The following DGKB variants were observed in gnomAD, a reference collection of about 807,000 sequenced individuals.
DGKB encodes diacylglycerol kinase beta.
In DGKB, 67 loss-of-function variants were observed where a neutral mutation model predicts 114.3. The ratio of observed to expected loss-of-function variants is 0.59; its 90% CI spans 0.48 to 0.72. The LOEUF is 0.72. Among genes scored for constraint, DGKB ranks in the 30% least tolerant of loss-of-function variants. The pLI is 0.00. For missense variants in DGKB, 907 were observed against 975.2 expected, an observed-to-expected ratio of 0.93 and a Z score of 0.93; for synonymous variants, 398 against 323.1, an observed-to-expected ratio of 1.23 and a Z score of -2.49.
chr7:14,233,697 A>G (rs2128346315), intron 23 of DGKB, among the ~76,000 whole-genome samples: 1 of 152,196 alleles, frequency 6.6e-6, no homozygotes, highest in South Asian at 2.1e-4. Flanking sequence ...AAGGGCGGAC[A>G]GGTAGTCCAA....
At chr7:14,851,469 A>C (rs1849340528) in intron 1 of DGKB, among the ~76,000 whole-genome samples, 1 of 152,124 alleles carries the variant, frequency 6.6e-6, no homozygotes, top group Non-Finnish European at 1.5e-5. Flanking sequence ...GATTCTATCC[A>C]TAGGGATAGA....
At chr7:14,346,819 A>G (rs1432197415) in intron 21 of DGKB, among the ~76,000 whole-genome samples, 1 of 152,042 alleles carries the variant, frequency 6.6e-6, no homozygotes, top group Non-Finnish European at 1.5e-5. Context: ...ATTCTGATGA[A>G]AAACATATCA....
chr7:14,573,467 C>CTGTGTGTGTGTGTG (rs4027158), intron 20 of DGKB, among the ~76,000 whole-genome samples: 1 of 145,472 alleles, frequency 6.9e-6, no homozygotes. Context: ...TAATCTATCT[C>CTGTGTGTGTGTGTG]TGTGTGTGTG....
At chr7:14,310,265 T>G (rs988200590) in intron 23 of DGKB, among the ~76,000 whole-genome samples, 1 of 152,184 alleles carries the variant, frequency 6.6e-6, no homozygotes, top group Non-Finnish European at 1.5e-5. Context: ...CAGTGGTAAC[T>G]GTCTTCTGAA....
chr7:14,790,166 C>G (rs1054807609), intron 2 of DGKB, among the ~76,000 whole-genome samples: 1 of 152,014 alleles, frequency 6.6e-6, no homozygotes, highest in African/African-American at 2.4e-5. Context: ...TCGAATTTTG[C>G]GAGTTCATTA....
intron 1 of DGKB, among the ~76,000 whole-genome samples, chr7:14,873,391 C>T (rs1000819044): frequency 2.0e-5 from 3 of 151,908 alleles, no homozygotes; most frequent in African/African-American, 4.8e-5. Flanking sequence ...TAACTGAAAA[C>T]GTCTTAAAAC....
intron 1 of DGKB, among the ~76,000 whole-genome samples, chr7:14,940,230 G>A (rs1587422145): frequency 6.6e-6 from 1 of 152,070 alleles, no homozygotes; most frequent in South Asian, 2.1e-4. Context: ...CAAAGTCGCT[G>A]TGTTCTCACA....
intron 1 of DGKB, among the ~76,000 whole-genome samples, chr7:14,897,713 G>C (rs2128233736): frequency 6.6e-6 from 1 of 151,954 alleles, no homozygotes; most frequent in Non-Finnish European, 1.5e-5. Flanking sequence ...CACCACAGAA[G>C]GTAATAAATG....
chr7:14,490,759 C>G (rs1330528673), intron 20 of DGKB, among the ~76,000 whole-genome samples: 1 of 152,116 alleles, frequency 6.6e-6, no homozygotes, highest in Non-Finnish European at 1.5e-5. Flanking sequence ...ATCATTTATT[C>G]AGCGCTTCAT....
chr7:14,865,364 C>T (rs914361521), intron 1 of DGKB, among the ~76,000 whole-genome samples: 1 of 152,310 alleles, frequency 6.6e-6, no homozygotes, highest in Non-Finnish European at 1.5e-5. Flanking sequence ...TATTTCTTCT[C>T]TCTTGCCCTG....
chr7:14,157,378 T>TTG (rs1343703521), intron 25 of DGKB, among the ~76,000 whole-genome samples: 13 of 150,738 alleles, frequency 8.6e-5, no homozygotes, highest in Non-Finnish European at 4.4e-5. Context: ...TTTGCCAGTT[T>TTG]TTTTTTTTTT....
chr7:14,751,109 GGC>G (rs1428037341), intron 4 of DGKB, among the ~76,000 whole-genome samples: 1 of 151,460 alleles, frequency 6.6e-6, no homozygotes, highest in East Asian at 1.9e-4. Flanking sequence ...CACCATACCT[GGC>G]CAAAAAAGCC....
chr7:14,958,277 T>C (rs1195892248), intron 1 of DGKB, among the ~76,000 whole-genome samples: 2 of 152,032 alleles, frequency 1.3e-5, no homozygotes, highest in East Asian at 1.9e-4. Flanking sequence ...AATGGTCTCA[T>C]GAGGAAGGGC....
In DGKB at chr7:14,329,831, G is replaced by A. The variant is rs115978018; in HGVS notation, c.2122+8684C>T. Among the ~76,000 whole-genome samples the A allele has an allele frequency of 1.8e-3, 270 of 151,994 alleles. 2 individuals carry two copies. Among genetic ancestry groups the A allele is most frequent in the African/African-American group, 6.0e-3 (249 of 41,534 alleles). ...ACATGTGTTATTTAATCACTTGAGC[G>A]TTATATTATCAGGCAATATTTATTT... is the stretch of plus-strand genomic sequence containing the variant. On this transcript the variant is annotated intron_variant, in intron 23 of 25. Transcript: ENST00000402815.
intron 23 of DGKB, among the ~76,000 whole-genome samples, chr7:14,188,100 G>C (rs972954550): frequency 6.6e-6 from 1 of 152,050 alleles, no homozygotes; most frequent in Admixed American, 6.6e-5. Flanking sequence ...CAAGATGAAG[G>C]AGAAGAAAGA....
intron 23 of DGKB, chr7:14,191,857 C>T: frequency 4.0e-6 from 2 of 502,048 alleles, no homozygotes. Context: ...TGGATTGTCA[C>T]ACAGTTCACA....
chr7:14,407,978 A>C (rs1179685197), intron 21 of DGKB, among the ~76,000 whole-genome samples: 1 of 151,898 alleles, frequency 6.6e-6, no homozygotes, highest in South Asian at 2.1e-4. Context: ...AACAGAAACT[A>C]CCCTCCCCCA....
intron 23 of DGKB, among the ~76,000 whole-genome samples, chr7:14,202,500 C>CA (rs1786061606): frequency 6.6e-6 from 1 of 152,006 alleles, no homozygotes. Context: ...TCAATCCTGA[C>CA]AGTGATTCAA....
At chr7:14,267,553 A>G (rs1203769818) in intron 23 of DGKB, among the ~76,000 whole-genome samples, 1 of 150,538 alleles carries the variant, frequency 6.6e-6, no homozygotes, top group African/African-American at 2.4e-5. Flanking sequence ...CAGTGGTGCC[A>G]TCTCGGCTCA....
Sources: allele counts gnomAD v4.1 joint callset (sites outside exome capture counted in the v4.1 genomes callset), GRCh38; gene constraint gnomAD v4.1.1; transcripts MANE v1.5; gene names NCBI Gene and HGNC (gene_info 2026-07-23, HGNC 2026-07-21).